Variants in WDFY1 observed in about 807,000 individuals in gnomAD.
The protein encoded by WDFY1 is WD repeat and FYVE domain containing 1.
Under a neutral mutation model 56.4 loss-of-function variants are expected in WDFY1, and 32 were observed. That is an observed-to-expected ratio of 0.57 (90% CI 0.43 to 0.76). The LOEUF is 0.76. Among genes scored for constraint, WDFY1 ranks in the 30% least tolerant of loss-of-function variants. The pLI is 0.00. For synonymous variants in WDFY1, 192 were observed against 197.3 expected, an observed-to-expected ratio of 0.97 and a Z score of 0.23; for missense variants, 480 against 545.7, an observed-to-expected ratio of 0.88 and a Z score of 1.20.
intron 4 of WDFY1, among the ~76,000 whole-genome samples, chr2:223,903,800 C>G (rs1434368389): frequency 6.6e-6 from 1 of 151,976 alleles, no homozygotes; most frequent in Non-Finnish European, 1.5e-5. Context: ...ACAGCATGTG[C>G]CACCATGGCT....
At chr2:223,904,142 C>G (rs1285760410) in intron 4 of WDFY1, among the ~76,000 whole-genome samples, 1 of 152,216 alleles carries the variant, frequency 6.6e-6, no homozygotes, top group Non-Finnish European at 1.5e-5. Context: ...GTACATTACT[C>G]AGTGCAAGAT....
At chr2:223,894,014 T>G (rs1295847226) in intron 8 of WDFY1, among the ~76,000 whole-genome samples, 1 of 152,204 alleles carries the variant, frequency 6.6e-6, no homozygotes, top group Non-Finnish European at 1.5e-5. Context: ...AAACGCTGAT[T>G]GTATATACTG....
intron 3 of WDFY1, among the ~76,000 whole-genome samples, chr2:223,906,266 C>G (rs939248917): frequency 6.6e-6 from 1 of 152,166 alleles, no homozygotes; most frequent in Non-Finnish European, 1.5e-5. Context: ...CTGCCCAGAT[C>G]AGCACTCCAT....
intron 5 of WDFY1, among the ~76,000 whole-genome samples, chr2:223,899,606 C>T (rs568134933): frequency 7.9e-5 from 12 of 152,058 alleles, no homozygotes; most frequent in Admixed American, 2.0e-4. Context: ...ATTAGCTGGG[C>T]GTGGTGGCAC....
At chr2:223,886,852 G>A (rs1021492406) in intron 8 of WDFY1, among the ~76,000 whole-genome samples, 15 of 151,732 alleles carry the variant, frequency 9.9e-5, no homozygotes. Flanking sequence ...TTTGAACGAT[G>A]GGTGCCCCTA....
intron 1 of WDFY1, among the ~76,000 whole-genome samples, chr2:223,926,639 T>C (rs1247592118): frequency 1.4e-5 from 2 of 141,640 alleles, no homozygotes; most frequent in Admixed American, 1.5e-4. Flanking sequence ...TTCATATATA[T>C]ACAAATATGT....
At chr2:223,928,392 G>A (rs1355319767) in intron 1 of WDFY1, among the ~76,000 whole-genome samples, 6 of 152,138 alleles carry the variant, frequency 3.9e-5, no homozygotes, top group African/African-American at 1.4e-4. Flanking sequence ...CAGGAGAAGG[G>A]GAGGAGAAGA....
chr2:223,905,709 T>C (rs1693587934), intron 4 of WDFY1, among the ~76,000 whole-genome samples: 1 of 152,126 alleles, frequency 6.6e-6, no homozygotes, highest in African/African-American at 2.4e-5. Flanking sequence ...GCAGTACACA[T>C]ATCCAATAAT....
intron 1 of WDFY1, among the ~76,000 whole-genome samples, chr2:223,930,627 C>T (rs894594120): frequency 2.0e-5 from 3 of 152,216 alleles, no homozygotes; most frequent in South Asian, 2.1e-4. Flanking sequence ...TTTCTCTGAG[C>T]CTTGAATATG....
rs1692964223 is a variant in WDFY1 at position 223,876,013 on chromosome 2, C to G, written c.*2658G>C. 6.6e-6 allele frequency: 1 copy of G among 152,042 alleles called. No homozygotes were observed. The highest frequency in any genetic ancestry group is 2.4e-5 in the African/African-American group (1 of 41,400). The allele number at this position is 152,042 out of a possible 1,614,324, so 9.4% of individuals were successfully genotyped here. ...GTATTTCTTTATATCCTTTAGGTAG[C>G]AGGACAGAGCTAGGACATAGTAAAG... On this transcript the variant is annotated 3_prime_UTR_variant, in exon 12 of 12. Coordinates refer to ENST00000233055, the MANE Select transcript of WDFY1 (RefSeq NM_020830.5).
Position 223,897,384 on chromosome 2 carries a change from A to ATTT in WDFY1, c.598+1573_598+1574insAAA, listed in dbSNP as rs1441035020. 8.0e-3 allele frequency among the ~76,000 whole-genome samples: 944 copies of ATTT among 117,392 alleles called. 34 individuals carry two copies. The highest frequency in any genetic ancestry group is 8.9e-3 in the Non-Finnish European group (537 of 60,224). The allele number at this position is 117,392 out of a possible 152,430, so 77.0% of individuals were successfully genotyped here. A position where few individuals can be genotyped will look rare whatever the true frequency, so the allele number is the denominator to read the frequency against. ...TATATATATATATATATATATATAT[A>ATTT]TATATATTTTTTAAGACGGAGTCTC... is the stretch of plus-strand genomic sequence containing the variant. On this transcript the variant is annotated intron_variant, in intron 6 of 11. Transcript: ENST00000233055.
intron 1 of WDFY1, among the ~76,000 whole-genome samples, chr2:223,940,729 G>A (rs879465248): frequency 1.3e-5 from 2 of 151,230 alleles, no homozygotes; most frequent in South Asian, 2.1e-4. Flanking sequence ...TGCAACCTCC[G>A]CCTCCCAGGT....
At chr2:223,905,768 T>G (rs1317878840) in intron 4 of WDFY1, among the ~76,000 whole-genome samples, 179 bp downstream of exon 4, 1 of 152,144 alleles carries the variant, frequency 6.6e-6, no homozygotes, top group Non-Finnish European at 1.5e-5. Context: ...ATACAAAATT[T>G]TAAATGTTAA....
At chr2:223,885,161 GT>G in intron 8 of WDFY1, among the ~76,000 whole-genome samples, 1 of 151,540 alleles carries the variant, frequency 6.6e-6, no homozygotes, top group East Asian at 1.9e-4. Flanking sequence ...CTAGCTAGTT[GT>G]CATATTCAAT....
chr2:223,903,709 A>T (rs1185778650), intron 4 of WDFY1, among the ~76,000 whole-genome samples: 1 of 147,336 alleles, frequency 6.8e-6, no homozygotes, highest in Non-Finnish European at 1.5e-5. Context: ...GGAGTACAGT[A>T]GTCTGATGAT....
chr2:223,918,730 TTGG>T (rs145618206), intron 1 of WDFY1, among the ~76,000 whole-genome samples: 3,539 of 151,998 alleles, frequency 0.023, 116 homozygotes, highest in African/African-American at 0.08. Context: ...TTATGTGCAC[TTGG>T]TGGTTGACCG....
chr2:223,884,670 G>A lies in WDFY1; in HGVS notation c.911C>T (p.Thr304Ile). Residue 304 changes from threonine (T) to isoleucine (I), a missense_variant, in exon 9 of 12, where the codon ACC becomes ATC. Thr to Ile is a moderately conservative substitution (Grantham distance 89, BLOSUM62 -1). Coordinates refer to ENST00000233055, the MANE Select transcript of WDFY1 (RefSeq NM_020830.5). ...FFWNIKQMWD[T>I]KTLGLRQHHC... ...CACTTGTCTTAGCCCCAGCGTCTTG[G>A]TGTCCCACATCTGCTTTATGTTCCA... is the stretch of plus-strand genomic sequence containing the variant. The A allele has an allele frequency of 6.2e-7, 1 of 1,614,082 alleles. No individual in the cohort carries two copies. The highest frequency in any genetic ancestry group is 8.5e-7 in the Non-Finnish European group (1 of 1,179,998).
chr2:223,930,829 G>GC (rs1159887195), intron 1 of WDFY1, among the ~76,000 whole-genome samples: 7 of 152,100 alleles, frequency 4.6e-5, no homozygotes, highest in Non-Finnish European at 1.0e-4. Flanking sequence ...GCCATCCTCG[G>GC]CCCGCCTGTA....
At chr2:223,907,853 ATTT>A (rs933565405) in intron 3 of WDFY1, among the ~76,000 whole-genome samples, 3 of 87,504 alleles carry the variant, frequency 3.4e-5, no homozygotes, top group African/African-American at 8.2e-5. Flanking sequence ...TGCTGCTGCT[ATTT>A]TTTTTTTTTT....
Sources: allele counts gnomAD v4.1 joint callset (sites outside exome capture counted in the v4.1 genomes callset), GRCh38; gene constraint gnomAD v4.1.1; transcripts MANE v1.5; gene names NCBI Gene and HGNC (gene_info 2026-07-23, HGNC 2026-07-21).